Variants in PDE2A observed in about 807,000 individuals in gnomAD.
PDE2A encodes the protein cGMP-dependent 3',5'-cyclic phosphodiesterase.
In PDE2A, 53 loss-of-function variants were observed where a neutral mutation model predicts 133.6. The observed-to-expected ratio is 0.40, with a 90% CI of 0.32 to 0.50. The LOEUF is 0.50. Among genes scored for constraint, PDE2A ranks in the 20% least tolerant of loss-of-function variants. PDE2A has a pLI of 0.73. For missense variants in PDE2A, 796 were observed against 1,232.4 expected (o/e 0.65, Z 5.30); for synonymous variants, 491 against 490.2 (o/e 1.00, Z -0.02).
rs544324205 is a variant in PDE2A, at chr11:72,626,810, C to G, written c.144+15444G>C. Among the ~76,000 whole-genome samples, 9 of 152,332 alleles carry G rather than the reference C, an allele frequency of 5.9e-5. No homozygotes were observed. The South Asian group carries it at 6.2e-4, about 11-fold the overall frequency. ...GCCTCACCCTGACTCTGGCACCAAG[C>G]CTTCCTCAGCCCAGCACTCATGGGC... On this transcript the variant is annotated intron_variant, in intron 2 of 30. Coordinates refer to ENST00000334456, the MANE Select transcript of PDE2A (RefSeq NM_002599.5).
At chr11:72,582,141 T>A in intron 21 of PDE2A, 194 bp from the exon 22 acceptor site, 1 of 614,610 alleles carries the variant, frequency 1.6e-6, no homozygotes, top group South Asian at 2.0e-5. Context: ...TAAGAACTCT[T>A]GAAACCAAGC....
At chr11:72,660,749 G>A (rs1021631359) in intron 1 of PDE2A, among the ~76,000 whole-genome samples, 3 of 152,076 alleles carry the variant, frequency 2.0e-5, no homozygotes, top group Admixed American at 1.3e-4. Flanking sequence ...GGGTTAGGAC[G>A]CCAGGCATGG....
chr11:72,664,625 A>G (rs1429649340), intron 1 of PDE2A, among the ~76,000 whole-genome samples: 24 of 151,814 alleles, frequency 1.6e-4, no homozygotes, highest in Non-Finnish European at 2.7e-4. Flanking sequence ...CGCCCACCTC[A>G]GCCTCCCAAA....
intron 2 of PDE2A, among the ~76,000 whole-genome samples, chr11:72,609,508 G>A (rs941952993): frequency 3.3e-5 from 5 of 152,178 alleles, no homozygotes; most frequent in African/African-American, 9.7e-5. Context: ...GGCAACTATA[G>A]GAGGAGAAGG....
At chr11:72,619,402 T>C (rs11603497) in intron 2 of PDE2A, among the ~76,000 whole-genome samples, 36,046 of 152,050 alleles carry the variant, frequency 0.24, 4,419 homozygotes, top group African/African-American at 0.28. Context: ...CTACGGACCA[T>C]CACATCATCA....
intron 4 of PDE2A, among the ~76,000 whole-genome samples, chr11:72,598,211 A>T (rs1220472012): frequency 6.6e-6 from 1 of 152,222 alleles, no homozygotes; most frequent in Non-Finnish European, 1.5e-5. Flanking sequence ...TGGCACCAAG[A>T]GGCTAATTCA....
intron 1 of PDE2A, among the ~76,000 whole-genome samples, chr11:72,667,669 T>C (rs1045550505): frequency 2.6e-5 from 4 of 151,740 alleles, no homozygotes; most frequent in Admixed American, 6.6e-5. Flanking sequence ...AGCTCTATGG[T>C]ATAAAAGTCA....
chr11:72,627,760 C>T (rs1858157541), intron 2 of PDE2A, among the ~76,000 whole-genome samples: 2 of 152,234 alleles, frequency 1.3e-5, no homozygotes, highest in South Asian at 2.1e-4. Flanking sequence ...TCTCCCCATG[C>T]CCCCATCCCA....
intron 2 of PDE2A, among the ~76,000 whole-genome samples, chr11:72,623,573 G>C (rs1857892779): frequency 1.3e-5 from 2 of 151,914 alleles, no homozygotes; most frequent in Non-Finnish European, 2.9e-5. Context: ...ACCTTCACCT[G>C]GATGCTTCCC....
intron 2 of PDE2A, among the ~76,000 whole-genome samples, chr11:72,613,057 A>G (rs1857288904): frequency 6.6e-6 from 1 of 152,274 alleles, no homozygotes; most frequent in South Asian, 2.1e-4. Flanking sequence ...TGGAGCCACA[A>G]GCACAAGACC....
intron 2 of PDE2A, among the ~76,000 whole-genome samples, chr11:72,636,522 C>T (rs754675801): frequency 6.6e-6 from 1 of 152,162 alleles, no homozygotes; most frequent in Non-Finnish European, 1.5e-5. Flanking sequence ...TCATGATCTC[C>T]TCTGAGGCTT....
At chr11:72,665,995 C>T (rs1210653182) in intron 1 of PDE2A, among the ~76,000 whole-genome samples, 1 of 152,160 alleles carries the variant, frequency 6.6e-6, no homozygotes, top group Non-Finnish European at 1.5e-5. Context: ...GGCCTCACTT[C>T]ACCACTGGGC....
Position 72,578,794 on chromosome 11 carries a change from C to T in PDE2A, c.2469+103G>A. 1 of 751,228 alleles carries T rather than the reference C, an allele frequency of 1.3e-6. No homozygotes were observed. The highest frequency in any genetic ancestry group is 1.6e-5 in the South Asian group (1 of 63,134). The allele number at this position is 751,228 out of a possible 1,614,324, so 46.5% of individuals were successfully genotyped here. A position where few individuals can be genotyped will look rare whatever the true frequency, so the allele number is the denominator to read the frequency against. ...TCTAGGTTTCTGTCTCCCCAGAACA[C>T]AGCCAGGCTGAGCTGAGCAGAGAGA... On this transcript the variant is annotated intron_variant, in intron 28 of 30. Coordinates refer to ENST00000334456, the MANE Select transcript of PDE2A (RefSeq NM_002599.5). The surrounding 1 kb of genome is among the most constrained non-coding windows in gnomAD (Gnocchi z 4.2).
chr11:72,636,689 C>T (rs184497688), intron 2 of PDE2A, among the ~76,000 whole-genome samples: 1 of 152,276 alleles, frequency 6.6e-6, no homozygotes, highest in African/African-American at 2.4e-5. Flanking sequence ...ACGTCTACAG[C>T]TGTCCAGCTC....
rs751322273 is a variant in PDE2A at position 72,591,278 on chromosome 11, T to C, written c.549+19A>G. The C allele has an allele frequency of 6.2e-7, 1 of 1,605,752 alleles. No homozygotes were observed. Among genetic ancestry groups the C allele is most frequent in the Non-Finnish European group, 8.5e-7 (1 of 1,172,420 alleles). ...TAAGGGTCTTCAGCCTCATTGCACA[T>C]GGCCCCACTCCCACTCACATGCTTC... is the stretch of plus-strand genomic sequence containing the variant. On this transcript the variant is annotated intron_variant, in intron 7 of 30. Transcript: ENST00000334456.
At chr11:72,670,526 C>T (rs1399785791) in intron 1 of PDE2A, among the ~76,000 whole-genome samples, 2 of 152,238 alleles carry the variant, frequency 1.3e-5, no homozygotes, top group Non-Finnish European at 2.9e-5. Flanking sequence ...AAGAGACTCA[C>T]AGCCCTTCTG....
intron 2 of PDE2A, among the ~76,000 whole-genome samples, chr11:72,626,384 C>T (rs1858068749): frequency 6.6e-6 from 1 of 152,220 alleles, no homozygotes; most frequent in South Asian, 2.1e-4. Flanking sequence ...GCCTCAGGAC[C>T]CCCATGGATG....
At chr11:72,631,887 A>C (rs1591104000) in intron 2 of PDE2A, among the ~76,000 whole-genome samples, 2 of 148,166 alleles carry the variant, frequency 1.3e-5, no homozygotes, top group Non-Finnish European at 3.0e-5. Context: ...CCCCACCCCC[A>C]CCCAACAAGC....
chr11:72,639,436 T>C (rs1053710967), intron 2 of PDE2A, among the ~76,000 whole-genome samples: 3 of 152,158 alleles, frequency 2.0e-5, no homozygotes, highest in Non-Finnish European at 4.4e-5. Context: ...GGAAGGGCGC[T>C]GGGCCACTAT....
Sources: gnomAD v4.1 joint callset for allele counts (sites outside exome capture counted in the v4.1 genomes callset) on GRCh38, gnomAD v4.1.1 for gene constraint, Gnocchi (gnomAD v3.1) non-coding constraint, MANE v1.5 for transcripts, NCBI Gene and HGNC (gene_info 2026-07-23, HGNC 2026-07-21) for gene names.